CDH4: variants seen among roughly 807,000 people sequenced by gnomAD.
CDH4 encodes the protein cadherin-4.
In CDH4, 33 loss-of-function variants were observed where a neutral mutation model predicts 86.0. The observed-to-expected ratio is 0.38, with a 90% CI of 0.29 to 0.51. The LOEUF (loss-of-function observed/expected upper bound fraction) is 0.51. Ranked by LOEUF, CDH4 falls within the 20% of genes least tolerant of loss-of-function variation. The pLI is 0.86. For missense variants in CDH4, 1,114 were observed against 1,307.4 expected, an observed-to-expected ratio of 0.85 and a Z score of 2.28; for synonymous variants, 555 against 549.4, an observed-to-expected ratio of 1.01 and a Z score of -0.14.
In CDH4 at chr20:61,598,097, G is replaced by A. The variant is rs144175938; in HGVS notation, c.170-145466G>A. Among the ~76,000 whole-genome samples, 1,465 of 152,260 alleles carry A rather than the reference G, an allele frequency of 9.6e-3. 10 individuals are homozygous for A. Among genetic ancestry groups the A allele is most frequent in the African/African-American group, 0.02 (833 of 41,552 alleles). On this transcript the variant is annotated intron_variant, in intron 2 of 15. Coordinates refer to ENST00000614565, the MANE Select transcript of CDH4 (RefSeq NM_001794.5). ...AACACATGCCAAGCTCTTGTCAATG[G>A]CCAGACACGCCGGGCACTGTGGGGG...
At chr20:61,915,052 C>A (rs777891633) in intron 9 of CDH4, among the ~76,000 whole-genome samples, 1 of 152,212 alleles carries the variant, frequency 6.6e-6, no homozygotes, top group African/African-American at 2.4e-5. Context: ...GCCATCCTCA[C>A]CCCCATCTCA....
At chr20:61,634,199 G>A (rs2086923713) in intron 2 of CDH4, among the ~76,000 whole-genome samples, 1 of 152,148 alleles carries the variant, frequency 6.6e-6, no homozygotes, top group African/African-American at 2.4e-5. Context: ...TCAGGGCATG[G>A]GCCACCCCCA....
rs554930864 is a variant in CDH4, at chr20:61,454,523, G to A, written c.169+199586G>A. 4.6e-5 allele frequency among the ~76,000 whole-genome samples: 7 copies of A among 152,270 alleles called. No individual in the cohort carries two copies. In the South Asian group the frequency reaches 1.5e-3, roughly 32 times the overall value. ...TGCAGTGGCGCGATCTCGGCTCACT[G>A]CAAGCTCCGCCTCCCGGGTTCACGC... On this transcript the variant is annotated intron_variant, in intron 2 of 15. Coordinates refer to ENST00000614565, the MANE Select transcript of CDH4 (RefSeq NM_001794.5).
chr20:61,789,016 C>G (rs1979024726), intron 4 of CDH4, among the ~76,000 whole-genome samples: 1 of 152,212 alleles, frequency 6.6e-6, no homozygotes, highest in South Asian at 2.1e-4. Context: ...CCCCGGGGCC[C>G]TAGCATCAAG....
intron 4 of CDH4, among the ~76,000 whole-genome samples, chr20:61,840,004 G>A (rs770827451): frequency 6.6e-6 from 1 of 152,070 alleles, no homozygotes; most frequent in Non-Finnish European, 1.5e-5. Context: ...GGACCAAACT[G>A]ACTCACTCTG....
rs373340368 is a variant in CDH4 at position 61,936,770 on chromosome 20, C to T, written c.2578C>T (p.Pro860Ser). Residue 860 changes from proline to serine, a missense_variant, in exon 16 of 16, where the codon CCC becomes TCC. By Grantham distance (74) the Pro-to-Ser change is moderately conservative. Around this residue, in one of 3 missense-constraint regions of CDH4, gnomAD observed 188 missense variants for 183.8 expected, o/e 1.02. Coordinates refer to ENST00000614565, the MANE Select transcript of CDH4 (RefSeq NM_001794.5). ...LRAADNDPTAPPYDSLLVFDY... is the reference protein window; with the variant it reads ...LRAADNDPTASPYDSLLVFDY... ...CGCTGCTGACAACGACCCCACGGCA[C>T]CCCCCTATGACTCCCTGCTGGTCTT... 1 of 1,606,844 alleles carries T rather than the reference C, an allele frequency of 6.2e-7. No individual in the cohort carries two copies. The highest frequency in any genetic ancestry group is 1.1e-5 in the South Asian group (1 of 90,124).
chr20:61,559,519 C>CTTTTTTTTTTTTTTTTTTTTTTTTTTTTT (rs1156864328), intron 2 of CDH4, among the ~76,000 whole-genome samples: 3 of 105,164 alleles, frequency 2.9e-5, no homozygotes, highest in African/African-American at 4.2e-5. Context: ...ATTTTTTTTT[C>CTTTTTTTTTTTTTTTTTTTTTTTTTTTTT]TTTTTTTTTT....
At chr20:61,908,345 C>T (rs922653624) in intron 8 of CDH4, among the ~76,000 whole-genome samples, 2 of 152,180 alleles carry the variant, frequency 1.3e-5, no homozygotes, top group African/African-American at 2.4e-5. Flanking sequence ...TTGATTGGGC[C>T]AGCAGGGACA....
chr20:61,260,700 G>A (rs576331712), intron 2 of CDH4, among the ~76,000 whole-genome samples: 40 of 152,258 alleles, frequency 2.6e-4, no homozygotes, highest in Middle Eastern at 3.4e-3. Context: ...CCCAAAAATG[G>A]GCACGCAGAG....
At chr20:61,629,036 C>G (rs1029788676) in intron 2 of CDH4, among the ~76,000 whole-genome samples, 1 of 152,262 alleles carries the variant, frequency 6.6e-6, no homozygotes, top group Non-Finnish European at 1.5e-5. Context: ...TTCCCAGGCT[C>G]TCTCTGCGGG....
intron 4 of CDH4, among the ~76,000 whole-genome samples, chr20:61,813,254 G>A (rs930914077): frequency 3.9e-5 from 6 of 152,174 alleles, no homozygotes; most frequent in South Asian, 2.1e-4. Context: ...CCCCAGCTTC[G>A]GGCCGGGATC....
rs2086058622 is a variant in CDH4, at chr20:61,544,012, G to T, written c.170-199551G>T. Among the ~76,000 whole-genome samples, 1 of 152,192 alleles carries T rather than the reference G, an allele frequency of 6.6e-6. No homozygotes were observed. The highest frequency in any genetic ancestry group is 1.5e-5 in the Non-Finnish European group (1 of 68,034). Reference sequence around the variant, plus strand: ...GGTGGTACAGCTTTCTCTCGTCACAGCTGAGGTCCCTGGAGGCTGCCCCAC... The same window carrying T: ...GGTGGTACAGCTTTCTCTCGTCACATCTGAGGTCCCTGGAGGCTGCCCCAC... On this transcript the variant is annotated intron_variant, in intron 2 of 15. Coordinates refer to ENST00000614565, the MANE Select transcript of CDH4 (RefSeq NM_001794.5). The surrounding 1 kb of genome is among the most constrained non-coding windows in gnomAD (Gnocchi z 6.5).
chr20:61,501,534 G>A lies in CDH4; in HGVS notation c.170-242029G>A, dbSNP rs1280545424. Among the ~76,000 whole-genome samples the A allele has an allele frequency of 1.3e-5, 2 of 152,136 alleles. No individual in the cohort carries two copies. Among genetic ancestry groups the A allele is most frequent in the African/African-American group, 4.8e-5 (2 of 41,426 alleles). ...TCAGGAGACGGCTGCTGCCGTCTCT[G>A]CCCCCTCATCCTTGCTGAATCTCAG... On this transcript the variant is annotated intron_variant, in intron 2 of 15. Coordinates refer to ENST00000614565, the MANE Select transcript of CDH4 (RefSeq NM_001794.5). This position sits in a 1 kb window ranked among gnomAD's most constrained non-coding sequence, Gnocchi z 4.2.
intron 2 of CDH4, among the ~76,000 whole-genome samples, chr20:61,652,934 A>ATT (rs1378064808): frequency 9.7e-6 from 1 of 103,022 alleles, no homozygotes; most frequent in Non-Finnish European, 2.2e-5. Flanking sequence ...TTATTTATTT[A>ATT]TTTATTTTTT....
Position 61,696,898 on chromosome 20 carries a change from C to T in CDH4, c.170-46665C>T, listed in dbSNP as rs566514768. On this transcript the variant is annotated intron_variant, in intron 2 of 15. Coordinates refer to ENST00000614565, the MANE Select transcript of CDH4 (RefSeq NM_001794.5). ...CTAAATCCAATGGCAGGGGTCCTTA[C>T]GAGAGACGCACAGAATGCAGTTGGG... Among the ~76,000 whole-genome samples, 6 of 152,204 alleles carry T rather than the reference C, an allele frequency of 3.9e-5. No individual in the cohort carries two copies. The South Asian group carries it at 8.3e-4, about 21-fold the overall frequency.
intron 2 of CDH4, among the ~76,000 whole-genome samples, chr20:61,333,149 A>G (rs2084593200): frequency 6.6e-6 from 1 of 152,124 alleles, no homozygotes; most frequent in Non-Finnish European, 1.5e-5. Flanking sequence ...CATTGTGGCA[A>G]CTCTAATAAA....
At chr20:61,276,517 TA>T (rs2084232752) in intron 2 of CDH4, among the ~76,000 whole-genome samples, 1 of 152,208 alleles carries the variant, frequency 6.6e-6, no homozygotes. Flanking sequence ...GAGCAGTGGC[TA>T]AATCCCATGC....
chr20:61,735,639 G>C (rs1281498733), intron 2 of CDH4, among the ~76,000 whole-genome samples: 1 of 152,200 alleles, frequency 6.6e-6, no homozygotes, highest in Admixed American at 6.5e-5. Context: ...TGCCCCCTCC[G>C]CTGGACCCCG....
At chr20:61,410,097 G>T (rs1312468092) in intron 2 of CDH4, among the ~76,000 whole-genome samples, 1 of 152,234 alleles carries the variant, frequency 6.6e-6, no homozygotes, top group Non-Finnish European at 1.5e-5. Context: ...ATGAGAATTG[G>T]CTCTTACACT....
Sources: gnomAD v4.1 joint callset for allele counts (sites outside exome capture counted in the v4.1 genomes callset) on GRCh38, gnomAD v4.1.1 for gene constraint, gnomAD v4.1.1 regional missense constraint, Gnocchi (gnomAD v3.1) non-coding constraint, MANE v1.5 for transcripts, NCBI Gene and HGNC (gene_info 2026-07-23, HGNC 2026-07-21) for gene names.